The following ITPR2 variants were observed in gnomAD, a reference collection of about 807,000 sequenced individuals.
ITPR2 encodes the protein inositol 1,4,5-trisphosphate-gated calcium channel ITPR2.
A neutral mutation model predicts 317.1 loss-of-function variants in ITPR2; 207 were observed. The ratio of observed to expected loss-of-function variants is 0.65; its 90% CI spans 0.58 to 0.73. ITPR2 has a LOEUF of 0.73. Among genes scored for constraint, ITPR2 ranks in the 30% least tolerant of loss-of-function variants. The pLI, the probability that ITPR2 is intolerant of heterozygous loss-of-function variation, is 0.00. For missense variants in ITPR2, 2,613 were observed against 3,284.0 expected (o/e 0.80, Z 4.99); for synonymous variants, 1,156 against 1,149.1 (o/e 1.01, Z -0.12).
chr12:26,694,482 T>C (rs762868828), intron 10 of ITPR2, among the ~76,000 whole-genome samples: 9 of 152,084 alleles, frequency 5.9e-5, no homozygotes, highest in Non-Finnish European at 8.8e-5. Flanking sequence ...TAGTAAGTTC[T>C]TTCTAACATG....
chr12:26,371,746 T>C (rs1174910871), intron 55 of ITPR2, among the ~76,000 whole-genome samples: 2 of 152,120 alleles, frequency 1.3e-5, no homozygotes, highest in Non-Finnish European at 2.9e-5. Flanking sequence ...GGTTTATGGA[T>C]TGTCACTCTT....
At chr12:26,464,569 C>A (rs545949799) in intron 45 of ITPR2, among the ~76,000 whole-genome samples, 156 of 152,320 alleles carry the variant, frequency 1.0e-3, no homozygotes, top group African/African-American at 3.6e-3. Flanking sequence ...GACCCCTGAT[C>A]TACAGCACTT....
chr12:26,523,906 T>C (rs191255254), intron 37 of ITPR2, among the ~76,000 whole-genome samples: 1 of 152,354 alleles, frequency 6.6e-6, no homozygotes, highest in East Asian at 1.9e-4. Flanking sequence ...CATGCTGTTG[T>C]TGGCAGAGCC....
At chr12:26,810,441 C>T (rs1479719482) in intron 1 of ITPR2, among the ~76,000 whole-genome samples, 5 of 152,208 alleles carry the variant, frequency 3.3e-5, no homozygotes, top group Non-Finnish European at 5.9e-5. Flanking sequence ...TTTCCTACTT[C>T]CCTTCTGCTC....
chr12:26,642,502 A>G (rs1035317450), intron 21 of ITPR2, among the ~76,000 whole-genome samples: 1 of 152,232 alleles, frequency 6.6e-6, no homozygotes, highest in Non-Finnish European at 1.5e-5. Context: ...CACAGCAAGG[A>G]GATCTTTGCC....
At chr12:26,376,286 C>A (rs1939340587) in intron 55 of ITPR2, among the ~76,000 whole-genome samples, 1 of 152,124 alleles carries the variant, frequency 6.6e-6, no homozygotes, top group South Asian at 2.1e-4. Flanking sequence ...TCCACATATG[C>A]ACTTAGGCAC....
In ITPR2 at chr12:26,477,026, T is replaced by A. The variant is rs1295556502; in HGVS notation, c.6124-19A>T. 1 of 1,476,262 alleles carries A rather than the reference T, an allele frequency of 6.8e-7. No homozygotes were observed. The highest frequency in any genetic ancestry group is 9.4e-7 in the Non-Finnish European group (1 of 1,058,972). 91.4% of individuals were successfully genotyped at this position (1,476,262 alleles called of 1,614,324 possible). A position where few individuals can be genotyped will look rare whatever the true frequency, so the allele number is the denominator to read the frequency against. Reference sequence around the variant, plus strand: ...CATTGTTCTAGAGACACAGATTGAGTTAATGTGCATGCAAAGTCTATTTCA... The same window carrying A: ...CATTGTTCTAGAGACACAGATTGAGATAATGTGCATGCAAAGTCTATTTCA... On this transcript the variant is annotated intron_variant, in intron 43 of 56. Transcript: ENST00000381340.
At chr12:26,514,653 C>T (rs1943441157) in intron 37 of ITPR2, among the ~76,000 whole-genome samples, 1 of 152,148 alleles carries the variant, frequency 6.6e-6, no homozygotes, top group Non-Finnish European at 1.5e-5. Flanking sequence ...AGTTTCACTA[C>T]TGAAACACTG....
chr12:26,411,825 G>A (rs1224523580), intron 51 of ITPR2, among the ~76,000 whole-genome samples: 1 of 152,118 alleles, frequency 6.6e-6, no homozygotes, highest in Non-Finnish European at 1.5e-5. Context: ...AGGGACTGCT[G>A]CTGGTAGTGG....
At chr12:26,469,524 T>TA (rs1942250348) in intron 45 of ITPR2, among the ~76,000 whole-genome samples, 2 of 152,190 alleles carry the variant, frequency 1.3e-5, no homozygotes, top group African/African-American at 4.8e-5. Flanking sequence ...AACCAATCTC[T>TA]AATAGCCTCT....
intron 1 of ITPR2, among the ~76,000 whole-genome samples, chr12:26,822,715 GT>G (rs1362333043): frequency 2.0e-5 from 3 of 152,142 alleles, no homozygotes; most frequent in African/African-American, 7.2e-5. Flanking sequence ...CAACTGCCAA[GT>G]TTCTTCCTGA....
chr12:26,816,274 G>T (rs1186976249), intron 1 of ITPR2, among the ~76,000 whole-genome samples: 5 of 151,858 alleles, frequency 3.3e-5, no homozygotes, highest in Non-Finnish European at 7.4e-5. Flanking sequence ...AATACTTTAG[G>T]TATCTGATGC....
At position 26,337,001 on chromosome 12, in the gene ITPR2, T is replaced by A. The variant is rs1170588839; in HGVS notation, c.*2396A>T. 6.6e-6 allele frequency: 1 copy of A among 150,514 alleles called. No homozygotes were observed. Among genetic ancestry groups the A allele is most frequent in the South Asian group, 2.1e-4 (1 of 4,750 alleles). 9.3% of individuals were successfully genotyped at this position (150,514 alleles called of 1,614,324 possible). A position where few individuals can be genotyped will look rare whatever the true frequency, so the allele number is the denominator to read the frequency against. On this transcript the variant is annotated 3_prime_UTR_variant, in exon 57 of 57. Coordinates refer to ENST00000381340, the MANE Select transcript of ITPR2 (RefSeq NM_002223.4). ...TGCTGTTTTTTTTTTTTTTGCTTTA[T>A]AATTTCTAAGCATTTAGGCAGAAAA...
intron 1 of ITPR2, among the ~76,000 whole-genome samples, chr12:26,795,286 C>T (rs1314161037): frequency 6.6e-6 from 1 of 152,098 alleles, no homozygotes; most frequent in Non-Finnish European, 1.5e-5. Flanking sequence ...TGAATTAAAG[C>T]CTCAAATGTG....
intron 32 of ITPR2, among the ~76,000 whole-genome samples, chr12:26,581,465 C>T (rs578235791): frequency 3.1e-4 from 47 of 152,206 alleles, no homozygotes; most frequent in Admixed American, 1.3e-3. Context: ...GTGCAATTAA[C>T]GGAAATAAAT....
At position 26,546,010 on chromosome 12, in the gene ITPR2, T is replaced by C. The variant is rs917236256; in HGVS notation, c.5073+4237A>G. Among the ~76,000 whole-genome samples the C allele has an allele frequency of 5.9e-5, 9 of 152,250 alleles. No homozygotes were observed. The South Asian group carries it at 1.2e-3, about 21-fold the overall frequency. On this transcript the variant is annotated intron_variant, in intron 37 of 56. Coordinates refer to ENST00000381340, the MANE Select transcript of ITPR2 (RefSeq NM_002223.4). ...CAAAACACTTAGAATTAAAAAGTTGTCTAAGAGCTAGAATTGCTTTAGCTA... is the reference window on the plus strand; with the variant it reads ...CAAAACACTTAGAATTAAAAAGTTGCCTAAGAGCTAGAATTGCTTTAGCTA...
intron 52 of ITPR2, among the ~76,000 whole-genome samples, chr12:26,407,865 C>T (rs549427640): frequency 2.4e-4 from 36 of 152,154 alleles, no homozygotes; most frequent in Non-Finnish European, 3.2e-4. Context: ...TGACATAATG[C>T]ACACAATGCG....
chr12:26,384,442 CT>C (rs1205365161), intron 55 of ITPR2, among the ~76,000 whole-genome samples: 1 of 152,132 alleles, frequency 6.6e-6, no homozygotes, highest in Admixed American at 6.6e-5. Flanking sequence ...TGGATGTGCA[CT>C]GCTTGGATGA....
chr12:26,391,911 C>T (rs1939863303), intron 54 of ITPR2, among the ~76,000 whole-genome samples: 1 of 152,088 alleles, frequency 6.6e-6, no homozygotes, highest in Non-Finnish European at 1.5e-5. Flanking sequence ...CAGAGCTATA[C>T]TTCAAGTCGT....
Sources: allele counts gnomAD v4.1 joint callset (sites outside exome capture counted in the v4.1 genomes callset), GRCh38; gene constraint gnomAD v4.1.1; transcripts MANE v1.5; gene names NCBI Gene and HGNC (gene_info 2026-07-23, HGNC 2026-07-21).